The following DNAH17 variants were observed in gnomAD, a reference collection of about 807,000 sequenced individuals.
DNAH17 encodes dynein axonemal heavy chain 17.
A neutral mutation model predicts 485.6 loss-of-function variants in DNAH17; 376 were observed. That is an observed-to-expected ratio of 0.77 (90% CI 0.71 to 0.84). The LOEUF (loss-of-function observed/expected upper bound fraction) is 0.84, where lower values mean the gene tolerates loss of function less well. DNAH17 is among the 40% of genes least tolerant of loss of function. The probability of loss-of-function intolerance (pLI) is 0.00; values close to 1 mark genes in which losing one functional copy is unlikely to be tolerated. For synonymous variants in DNAH17, 3,031 were observed against 2,405.9 expected, an observed-to-expected ratio of 1.26 and a Z score of -7.60; for missense variants, 6,370 against 5,839.3, an observed-to-expected ratio of 1.09 and a Z score of -2.96.
At chr17:78,542,913 C>A (rs896630086) in intron 17 of DNAH17, among the ~76,000 whole-genome samples, 1 of 152,234 alleles carries the variant, frequency 6.6e-6, no homozygotes, top group Non-Finnish European at 1.5e-5. Flanking sequence ...ACGGTGCCCA[C>A]CCTCGGCAGC....
chr17:78,525,573 C>T (rs949657648), intron 24 of DNAH17, among the ~76,000 whole-genome samples: 1 of 152,258 alleles, frequency 6.6e-6, no homozygotes, highest in African/African-American at 2.4e-5. Context: ...CCTCTCAAAT[C>T]CCATGACTAA....
intron 29 of DNAH17, among the ~76,000 whole-genome samples, 179 bp downstream of exon 29, chr17:78,507,099 C>T (rs992730950): frequency 6.6e-6 from 1 of 152,168 alleles, no homozygotes; most frequent in African/African-American, 2.4e-5. Flanking sequence ...CAAGGCATCA[C>T]GTGGTGGGAT....
At chr17:78,451,929 G>A (rs983128355) in intron 65 of DNAH17, among the ~76,000 whole-genome samples, 2 of 151,998 alleles carry the variant, frequency 1.3e-5, no homozygotes, top group African/African-American at 4.8e-5. Flanking sequence ...ACACCCCTCT[G>A]GCGATACTCT....
intron 75 of DNAH17, 30 bp from the exon 76 acceptor site, chr17:78,429,330 A>AGTGCCCCT: frequency 6.2e-7 from 1 of 1,604,022 alleles, no homozygotes; most frequent in Non-Finnish European, 8.5e-7. Flanking sequence ...GGTAGGGGAA[A>AGTGCCCCT]GTGCCCCTGT....
intron 62 of DNAH17, 88 bp downstream of exon 62, chr17:78,458,477 C>T (rs2146522075): frequency 7.0e-6 from 8 of 1,150,740 alleles, no homozygotes; most frequent in South Asian, 1.3e-5. Flanking sequence ...ACCTGGGCTC[C>T]CTCCTCTTCC....
intron 54 of DNAH17, chr17:78,472,648 A>G (rs777056628): frequency 4.5e-6 from 2 of 442,442 alleles, no homozygotes; most frequent in Admixed American, 2.4e-5. Context: ...TGGGGAGGGG[A>G]GCTGGGGTAG....
intron 14 of DNAH17, among the ~76,000 whole-genome samples, chr17:78,556,917 A>G (rs1198958607): frequency 6.6e-6 from 1 of 152,142 alleles, no homozygotes; most frequent in Non-Finnish European, 1.5e-5. Context: ...GACAGAGAAA[A>G]CAGAACACGT....
chr17:78,426,703 T>C, intron 78 of DNAH17, 103 bp from the exon 79 acceptor site: 1 of 1,478,372 alleles, frequency 6.8e-7, no homozygotes. Context: ...GGCTTTGTGC[T>C]GCGCCTCTGG....
At chr17:78,466,929 G>A (rs1009992191) in intron 55 of DNAH17, 113 bp from the exon 56 acceptor site, 16 of 1,181,614 alleles carry the variant, frequency 1.4e-5, no homozygotes, top group Non-Finnish European at 1.7e-5. Context: ...GGGCTCAGCC[G>A]CCCAGGGCCT....
intron 72 of DNAH17, among the ~76,000 whole-genome samples, chr17:78,440,224 T>C (rs1045803380): frequency 7.1e-6 from 1 of 140,304 alleles, no homozygotes; most frequent in Non-Finnish European, 1.5e-5. Context: ...TGTGAGCCAC[T>C]GCACCTGGCC....
rs545870925 is a variant in DNAH17 at position 78,517,970 on chromosome 17, A to G, written c.3865-2948T>C. Among the ~76,000 whole-genome samples, 10 of 152,366 alleles carry G rather than the reference A, an allele frequency of 6.6e-5. No individual in the cohort carries two copies. In the South Asian group the frequency reaches 1.2e-3, roughly 19 times the overall value. ...TACACACAAAAGTGACAAAATGTTGATATCAGTGACTGTCAAACAGCCACT... is the reference window on the plus strand; with the variant it reads ...TACACACAAAAGTGACAAAATGTTGGTATCAGTGACTGTCAAACAGCCACT... On this transcript the variant is annotated intron_variant, in intron 25 of 80. Coordinates refer to ENST00000389840, the MANE Select transcript of DNAH17 (RefSeq NM_173628.4).
chr17:78,483,220 C>T (rs1268630951), intron 48 of DNAH17, among the ~76,000 whole-genome samples: 4 of 152,244 alleles, frequency 2.6e-5, no homozygotes, highest in African/African-American at 9.6e-5. Flanking sequence ...ACCTCTGATG[C>T]CTCCGTCCCC....
At chr17:78,522,687 C>A in intron 25 of DNAH17, 1 of 206,934 alleles carries the variant, frequency 4.8e-6, no homozygotes, top group South Asian at 7.1e-5. Flanking sequence ...ACGGAAATTC[C>A]AAAGTTCAGA....
chr17:78,556,297 G>A (rs75221010), intron 14 of DNAH17, among the ~76,000 whole-genome samples: 2,724 of 152,154 alleles, frequency 0.018, 81 homozygotes, highest in East Asian at 0.095. Flanking sequence ...CTAATACAAT[G>A]GCCATGAGCC....
intron 34 of DNAH17, 67 bp from the exon 35 acceptor site, chr17:78,501,411 C>CA (rs1287366174): frequency 6.6e-7 from 1 of 1,519,964 alleles, no homozygotes; most frequent in Non-Finnish European, 8.8e-7. Flanking sequence ...TAAGGAAGGC[C>CA]AGCATGCCTC....
intron 25 of DNAH17, among the ~76,000 whole-genome samples, chr17:78,520,406 G>C (rs1185094735): frequency 6.6e-6 from 1 of 152,148 alleles, no homozygotes; most frequent in Non-Finnish European, 1.5e-5. Context: ...AAGACATACA[G>C]AATGGAAAGG....
At chr17:78,499,254 G>T in intron 36 of DNAH17, 142 bp from the exon 37 acceptor site, 1 of 560,298 alleles carries the variant, frequency 1.8e-6, no homozygotes, top group African/African-American at 1.9e-5. Flanking sequence ...GCCTTCCGCA[G>T]GCCAGCAGGC....
At chr17:78,431,456 C>G (rs902181410) in intron 75 of DNAH17, among the ~76,000 whole-genome samples, 13 of 151,404 alleles carry the variant, frequency 8.6e-5, no homozygotes, top group Non-Finnish European at 5.9e-5. Context: ...GAACCCCCCA[C>G]CCCGAGACTC....
intron 62 of DNAH17, among the ~76,000 whole-genome samples, chr17:78,457,570 G>A (rs148067530): frequency 7.0e-4 from 106 of 151,786 alleles, no homozygotes; most frequent in African/African-American, 2.4e-3. Context: ...GTAGAGATGG[G>A]GTGTCACTAT....
Sources: allele counts gnomAD v4.1 joint callset (sites outside exome capture counted in the v4.1 genomes callset), GRCh38; gene constraint gnomAD v4.1.1; transcripts MANE v1.5; gene names NCBI Gene and HGNC (gene_info 2026-07-23, HGNC 2026-07-21).